C14orf39: variants seen among roughly 807,000 people sequenced by gnomAD.
The protein encoded by C14orf39 is protein SIX6OS1.
A neutral mutation model predicts 85.6 loss-of-function variants in C14orf39; 66 were observed. The observed-to-expected ratio is 0.77, with a 90% confidence interval of 0.63 to 0.95. The LOEUF (loss-of-function observed/expected upper bound fraction) is 0.95, where lower values mean the gene tolerates loss of function less well. Ranked by LOEUF, C14orf39 falls within the 40% of genes least tolerant of loss-of-function variation. The pLI, the probability that C14orf39 is intolerant of heterozygous loss-of-function variation, is 0.00. For missense variants in C14orf39, 735 were observed against 663.9 expected (o/e 1.11, Z -1.18); for synonymous variants, 242 against 214.0 (o/e 1.13, Z -1.14).
intron 5 of C14orf39, among the ~76,000 whole-genome samples, chr14:60,473,585 C>T (rs537946924): frequency 1.7e-4 from 26 of 151,864 alleles, no homozygotes; most frequent in South Asian, 2.1e-4. Flanking sequence ...TTGTATAAGG[C>T]GTAAGGAAGG....
intron 16 of C14orf39, among the ~76,000 whole-genome samples, chr14:60,451,632 A>C (rs1009167041): frequency 6.7e-6 from 1 of 148,776 alleles, no homozygotes; most frequent in African/African-American, 2.5e-5. Flanking sequence ...GTGGGAATTG[A>C]ACAATGAGAA....
chr14:60,470,352 G>A (rs1486939347), intron 7 of C14orf39, among the ~76,000 whole-genome samples: 1 of 151,856 alleles, frequency 6.6e-6, no homozygotes, highest in African/African-American at 2.4e-5. Flanking sequence ...GAATTCCAGA[G>A]AAGATTAATC....
intron 1 of C14orf39, chr14:60,511,076 C>T (rs375282881): frequency 3.7e-6 from 6 of 1,612,346 alleles, no homozygotes; most frequent in Middle Eastern, 1.7e-4. Context: ...TCCCTTTCTT[C>T]CCCGTAGACT....
intron 5 of C14orf39, among the ~76,000 whole-genome samples, chr14:60,474,612 C>T (rs374792450): frequency 9.2e-5 from 14 of 152,010 alleles, no homozygotes; most frequent in South Asian, 2.1e-4. Context: ...TAGCATGAAG[C>T]GTTGTTGAAT....
At chr14:60,440,042 T>A (rs1297152081) in intron 17 of C14orf39, among the ~76,000 whole-genome samples, 1 of 152,102 alleles carries the variant, frequency 6.6e-6, no homozygotes, top group African/African-American at 2.4e-5. Flanking sequence ...GCTATTGCAC[T>A]CCAGCCTGGG....
At chr14:60,502,198 A>G (rs1004308629) in intron 1 of C14orf39, among the ~76,000 whole-genome samples, 4 of 152,182 alleles carry the variant, frequency 2.6e-5, no homozygotes, top group Non-Finnish European at 5.9e-5. Context: ...GAAATTGAGT[A>G]TTGTATCTTT....
At chr14:60,441,997 A>G (rs1163682116) in intron 17 of C14orf39, 77 bp downstream of exon 17, 58 of 960,440 alleles carry the variant, frequency 6.0e-5, no homozygotes, top group Non-Finnish European at 9.0e-5. Flanking sequence ...AGCACCTAAG[A>G]AAATAAGTTA....
chr14:60,485,194 G>T, intron 1 of C14orf39, 108 bp from the exon 2 acceptor site: 1 of 907,138 alleles, frequency 1.1e-6, no homozygotes, highest in Admixed American at 2.8e-5. Flanking sequence ...GGAACATGTG[G>T]GCAGAGCCAG....
At chr14:60,478,443 T>C (rs1595481646) in intron 4 of C14orf39, 54 bp from the exon 5 acceptor site, 2 of 845,202 alleles carry the variant, frequency 2.4e-6, no homozygotes, top group Admixed American at 2.9e-5. Context: ...AACAAATTGA[T>C]AGAGATAATA....
At chr14:60,507,860 G>A (rs1320827018) in intron 1 of C14orf39, among the ~76,000 whole-genome samples, 2 of 152,128 alleles carry the variant, frequency 1.3e-5, no homozygotes, top group East Asian at 1.9e-4. Flanking sequence ...GGTTTTCCTG[G>A]CGTTTTTGTT....
chr14:60,451,977 T>G (rs1217697166), intron 16 of C14orf39, among the ~76,000 whole-genome samples: 1 of 149,238 alleles, frequency 6.7e-6, no homozygotes, highest in Non-Finnish European at 1.5e-5. Flanking sequence ...GGTCAGGAGA[T>G]CGAGACCATC....
chr14:60,469,842 ATTGT>A (rs1410106252), intron 7 of C14orf39, among the ~76,000 whole-genome samples, 189 bp from the exon 8 acceptor site: 1 of 149,694 alleles, frequency 6.7e-6, no homozygotes, highest in Non-Finnish European at 1.5e-5. Flanking sequence ...CAGATAATTT[ATTGT>A]TTATGTTATA....
chr14:60,486,240 A>T (rs992567175), upstream of C14orf39: 5 of 152,184 alleles, frequency 3.3e-5, no homozygotes, highest in South Asian at 1.0e-3. Flanking sequence ...AAAACCACAG[A>T]AGTGGGTGCT....
At chr14:60,465,421 G>A (rs1891736268) in intron 11 of C14orf39, among the ~76,000 whole-genome samples, 1 of 152,064 alleles carries the variant, frequency 6.6e-6, no homozygotes. Flanking sequence ...CAGGGGACCT[G>A]CCTATCTCTC....
At chr14:60,499,743 T>C (rs1039161106) in intron 1 of C14orf39, among the ~76,000 whole-genome samples, 5 of 152,144 alleles carry the variant, frequency 3.3e-5, no homozygotes, top group African/African-American at 1.2e-4. Context: ...AAAAGGCAAG[T>C]GAAAAACTGT....
chr14:60,513,731 C>T (rs1026048608), intron 1 of C14orf39, among the ~76,000 whole-genome samples: 8 of 152,084 alleles, frequency 5.3e-5, no homozygotes, highest in Non-Finnish European at 1.0e-4. Flanking sequence ...TACCTAAAAG[C>T]AGAAGAAAAT....
At chr14:60,448,328 A>T (rs1890874838) in intron 16 of C14orf39, among the ~76,000 whole-genome samples, 1 of 152,208 alleles carries the variant, frequency 6.6e-6, no homozygotes, top group Non-Finnish European at 1.5e-5. Flanking sequence ...ATCTACAAAG[A>T]ACTTAAACAA....
At chr14:60,469,941 T>TC (rs1005550979) in intron 7 of C14orf39, among the ~76,000 whole-genome samples, 1 of 150,112 alleles carries the variant, frequency 6.7e-6, no homozygotes, top group African/African-American at 2.4e-5. Flanking sequence ...TTTTTTTTTT[T>TC]TTTTTTTGCT....
At chr14:60,508,427 CA>C (rs769742990) in intron 1 of C14orf39, among the ~76,000 whole-genome samples, 1 of 152,124 alleles carries the variant, frequency 6.6e-6, no homozygotes, top group Non-Finnish European at 1.5e-5. Flanking sequence ...CCCTACAGCC[CA>C]CCCTTCTTTT....
Sources: gnomAD v4.1 joint callset for allele counts (sites outside exome capture counted in the v4.1 genomes callset) on GRCh38, gnomAD v4.1.1 for gene constraint, MANE v1.5 for transcripts, NCBI Gene and HGNC (gene_info 2026-07-23, HGNC 2026-07-21) for gene names.